The following FBF1 variants were observed in gnomAD, a reference collection of about 807,000 sequenced individuals.
FBF1 encodes fas-binding factor 1.
In FBF1, 119 loss-of-function variants were observed where a neutral mutation model predicts 147.2. That is an observed-to-expected ratio of 0.81 (90% CI 0.70 to 0.94). FBF1 has a LOEUF of 0.94. FBF1 is among the 40% of genes least tolerant of loss of function. The pLI is 0.00. For missense variants in FBF1, 1,449 were observed against 1,500.8 expected (o/e 0.97, Z 0.57); for synonymous variants, 601 against 609.0 (o/e 0.99, Z 0.19).
chr17:75,930,187 G>A lies in FBF1; in HGVS notation c.229-140C>T, dbSNP rs1344412658. ...GAGCTTGGCCAATGGAGCTTACACAGGAGGGTGGCTTTGTTCCCCTTGCTT... is the reference window on the plus strand; with the variant it reads ...GAGCTTGGCCAATGGAGCTTACACAAGAGGGTGGCTTTGTTCCCCTTGCTT... On this transcript the variant is annotated intron_variant, in intron 6 of 29. Coordinates refer to ENST00000636174, the MANE Select transcript of FBF1 (RefSeq NM_001319193.2). 4.6e-6 allele frequency: 3 copies of A among 648,564 alleles called. No homozygotes were observed. The East Asian group carries it at 8.2e-5, about 18-fold the overall frequency. 40.2% of individuals were successfully genotyped at this position (648,564 alleles called of 1,614,324 possible).
chr17:75,926,031 CT>C lies in FBF1; in HGVS notation c.866del (p.Gln289ArgfsTer150), dbSNP rs748663241. 1 of 1,609,658 alleles carries C rather than the reference CT, an allele frequency of 6.2e-7. No individual in the cohort carries two copies. Among genetic ancestry groups the C allele is most frequent in the Admixed American group, 1.7e-5 (1 of 59,860 alleles). On this transcript the variant is annotated frameshift_variant and splice_region_variant, in exon 12 of 30. Transcript: ENST00000636174. LOFTEE classifies it high-confidence loss of function. ...FKLDKKYQRP[Q>X]DSEDMWGDED... The stretch of plus-strand genomic sequence containing the variant: ...TGCGGCCCCCGCAAGCCTCCTTACC[CT>C]GTGGCCTCTGGTACTTCTTGTCTAG...
intron 23 of FBF1, among the ~76,000 whole-genome samples, chr17:75,916,430 G>A (rs1270281985): frequency 6.6e-6 from 1 of 152,176 alleles, no homozygotes; most frequent in African/African-American, 2.4e-5. Context: ...GACCAGCCTG[G>A]GCAACATGGC....
chr17:75,921,279 T>C lies in FBF1; in HGVS notation c.1639A>G (p.Thr547Ala). Residue 547 changes from threonine (T) to alanine (A), a missense_variant, in exon 17 of 30, where the codon ACC (threonine) becomes GCC (alanine). Transcript: ENST00000636174. ...ATEPATCFPSTQKPTEPSVPV... is the reference protein window; with the variant it reads ...ATEPATCFPSAQKPTEPSVPV... ...ACGGAAGGCTCTGTGGGTTTCTGGG[T>C]GCTCGGGAAACACGTGGCAGGCTCT... The C allele has an allele frequency of 7.5e-6, 12 of 1,593,484 alleles. No individual in the cohort carries two copies. Among genetic ancestry groups the C allele is most frequent in the Non-Finnish European group, 9.4e-6 (11 of 1,170,080 alleles).
intron 23 of FBF1, among the ~76,000 whole-genome samples, chr17:75,917,452 G>A (rs998995957): frequency 2.6e-5 from 4 of 152,226 alleles, no homozygotes; most frequent in Admixed American, 6.5e-5. Context: ...TGATGGTTGC[G>A]GGGGCTAGAC....
intron 1 of FBF1, among the ~76,000 whole-genome samples, chr17:75,940,109 T>A (rs2065652631): frequency 7.0e-6 from 1 of 143,260 alleles, no homozygotes; most frequent in Non-Finnish European, 1.5e-5. Context: ...CCATGCCCGG[T>A]TAATTTTTGT....
Position 75,923,026 on chromosome 17 carries a change from A to C in FBF1, c.1424+160T>G, listed in dbSNP as rs2065537535. ...CCAGAGGCTCTCTCTGCAGTGCCTA[A>C]AAGGCAGAGTAGCAAAGCCAAGAAG... On this transcript the variant is annotated intron_variant, in intron 14 of 29. Coordinates refer to ENST00000636174, the MANE Select transcript of FBF1 (RefSeq NM_001319193.2). This position sits in a 1 kb window ranked among gnomAD's most constrained non-coding sequence, Gnocchi z 4.1. Among the ~76,000 whole-genome samples, 1 of 152,232 alleles carries C rather than the reference A, an allele frequency of 6.6e-6. No individual in the cohort carries two copies. The highest frequency in any genetic ancestry group is 2.4e-5 in the African/African-American group (1 of 41,464).
intron 4 of FBF1, among the ~76,000 whole-genome samples, chr17:75,935,166 ATTTT>A (rs556762409): frequency 2.1e-5 from 3 of 142,458 alleles, no homozygotes; most frequent in Admixed American, 7.0e-5. Flanking sequence ...ATTACATCTC[ATTTT>A]TTTTTTTTTT....
intron 29 of FBF1, among the ~76,000 whole-genome samples, chr17:75,911,190 G>C (rs370471950): frequency 6.6e-6 from 1 of 152,114 alleles, no homozygotes. Context: ...GCAGGCCAAG[G>C]GGGTAGGATC....
rs2065449979 is a variant in FBF1 at position 75,910,386 on chromosome 17, A to AG, written c.*336dup. 1 of 355,576 alleles carries AG rather than the reference A, an allele frequency of 2.8e-6. No individual in the cohort carries two copies. Among genetic ancestry groups the AG allele is most frequent in the Non-Finnish European group, 5.3e-6 (1 of 190,212 alleles). 22.0% of individuals were successfully genotyped at this position (355,576 alleles called of 1,614,324 possible). On this transcript the variant is annotated 3_prime_UTR_variant, in exon 30 of 30. Transcript: ENST00000636174. The surrounding 1 kb of genome is among the most constrained non-coding windows in gnomAD (Gnocchi z 4.1). ...GCCCACAACAGTCTACCTGTGGAGCAGGGGGAGCCCACAGAGCCCAGGGGG... is the reference window on the plus strand; with the variant it reads ...GCCCACAACAGTCTACCTGTGGAGCAGGGGGGAGCCCACAGAGCCCAGGGGG...
At position 75,930,060 on chromosome 17, in the gene FBF1, T is replaced by G. The variant is rs2144186741; in HGVS notation, c.229-13A>C. On this transcript the variant is annotated splice_polypyrimidine_tract_variant and intron_variant, in intron 6 of 29. Coordinates refer to ENST00000636174, the MANE Select transcript of FBF1 (RefSeq NM_001319193.2). ...AGATACCTGAAACCTAAGTCCACAA[T>G]GAGGGTGAGGACACAGATGAGGAGG... 6.7e-7 allele frequency: 1 copy of G among 1,490,126 alleles called. No individual in the cohort carries two copies. Among genetic ancestry groups the G allele is most frequent in the Non-Finnish European group, 9.0e-7 (1 of 1,110,806 alleles). The allele number at this position is 1,490,126 out of a possible 1,614,324, so 92.3% of individuals were successfully genotyped here. A position where few individuals can be genotyped will look rare whatever the true frequency, so the allele number is the denominator to read the frequency against.
intron 29 of FBF1, among the ~76,000 whole-genome samples, chr17:75,911,795 G>A (rs1453999405): frequency 6.6e-6 from 1 of 152,140 alleles, no homozygotes; most frequent in East Asian, 1.9e-4. Flanking sequence ...ACAGGTGTGA[G>A]CCACGCACCT....
intron 15 of FBF1, 78 bp from the exon 16 acceptor site, chr17:75,921,638 G>T (rs1473710880): frequency 1.0e-6 from 1 of 955,418 alleles, no homozygotes; most frequent in East Asian, 3.0e-5. Flanking sequence ...CAGCCTCTAG[G>T]TGGGACATGG....
In FBF1 at chr17:75,923,759, G is replaced by GGAGCCACTGCTCAC; in HGVS notation, c.969-119_969-118insGTGAGCAGTGGCTC. Reference sequence around the variant, plus strand: ...ACCCTGCACAGTCAGCTGAGGCCCAGTGAGCAGTGGCTCCTGGACCGGCTC... The same window carrying GGAGCCACTGCTCAC: ...ACCCTGCACAGTCAGCTGAGGCCCAGGAGCCACTGCTCACTGAGCAGTGGCTCCTGGACCGGCTC... On this transcript the variant is annotated intron_variant, in intron 13 of 29. Transcript: ENST00000636174. The surrounding 1 kb of genome is among the most constrained non-coding windows in gnomAD (Gnocchi z 4.1). The GGAGCCACTGCTCAC allele has an allele frequency of 9.8e-7, 1 of 1,023,632 alleles. No homozygotes were observed. The highest frequency in any genetic ancestry group is 1.4e-6 in the Non-Finnish European group (1 of 719,472). The allele number at this position is 1,023,632 out of a possible 1,614,324, so 63.4% of individuals were successfully genotyped here.
At position 75,923,227 on chromosome 17, in the gene FBF1, G is replaced by A; in HGVS notation, c.1383C>T (p.Gly461=). ...GGCCCGCTGTCCCCGCCAAATGCAGGCCCTCAGAGGTCCCAGCATGCTGCT... is the reference window on the plus strand; with the variant it reads ...GGCCCGCTGTCCCCGCCAAATGCAGACCCTCAGAGGTCCCAGCATGCTGCT... ...AREQHAGTSE[G]LHLAGTAGHP... is the part of the protein sequence containing the mutation. The change falls in exon 14 of 30, where the codon GGC becomes GGT. Residue 461 remains glycine (G), a synonymous_variant. Transcript: ENST00000636174. The surrounding 1 kb of genome is among the most constrained non-coding windows in gnomAD (Gnocchi z 4.1). 1 of 1,592,622 alleles carries A rather than the reference G, an allele frequency of 6.3e-7. No individual in the cohort carries two copies. The highest frequency in any genetic ancestry group is 8.5e-7 in the Non-Finnish European group (1 of 1,170,202).
Position 75,923,585 on chromosome 17 carries a change from C to T in FBF1, c.1025G>A (p.Ser342Asn), listed in dbSNP as rs2065542468. The change falls in exon 14 of 30, where the codon AGC (serine) becomes AAC (asparagine). Residue 342 changes from serine (S) to asparagine (N), a missense_variant. Coordinates refer to ENST00000636174, the MANE Select transcript of FBF1 (RefSeq NM_001319193.2). This position sits in a 1 kb window ranked among gnomAD's most constrained non-coding sequence, Gnocchi z 4.1. The stretch of plus-strand genomic sequence containing the variant: ...GATGGGGCTGGAAGCCATTGGAGGG[C>T]TCTGTTTGGAGCCTGGTTCTCCCTT... Reference protein sequence around the residue: ...DPKGEPGSKQSPPMASSPIQP... With the variant: ...DPKGEPGSKQNPPMASSPIQP... 1 of 1,610,606 alleles carries T rather than the reference C, an allele frequency of 6.2e-7. No individual in the cohort carries two copies. Among genetic ancestry groups the T allele is most frequent in the Non-Finnish European group, 8.5e-7 (1 of 1,178,784 alleles).
intron 4 of FBF1, among the ~76,000 whole-genome samples, chr17:75,934,709 A>G (rs1163877394): frequency 2.6e-5 from 4 of 151,832 alleles, no homozygotes; most frequent in Non-Finnish European, 4.4e-5. Context: ...AGAAACCCCC[A>G]TCTCTACTAA....
chr17:75,918,568 G>C lies in FBF1; in HGVS notation c.2139-299C>G, dbSNP rs2065503736. 1.3e-5 allele frequency among the ~76,000 whole-genome samples: 2 copies of C among 152,004 alleles called. No homozygotes were observed. Among genetic ancestry groups the C allele is most frequent in the Admixed American group, 1.3e-4 (2 of 15,274 alleles). Reference sequence around the variant, plus strand: ...GCTGGAGTTCAGTGGCATGATCTCGGCTCACTGCAACCTCTGCCTCCTGGG... The same window carrying C: ...GCTGGAGTTCAGTGGCATGATCTCGCCTCACTGCAACCTCTGCCTCCTGGG... On this transcript the variant is annotated intron_variant, in intron 20 of 29. Coordinates refer to ENST00000636174, the MANE Select transcript of FBF1 (RefSeq NM_001319193.2). This position sits in a 1 kb window ranked among gnomAD's most constrained non-coding sequence, Gnocchi z 5.8.
At chr17:75,913,481 C>T (rs2065467581) in intron 28 of FBF1, 2 of 436,004 alleles carry the variant, frequency 4.6e-6, no homozygotes, top group African/African-American at 4.1e-5. Context: ...TTTTTTTTTC[C>T]TGAGTCCAGA....
rs181159606 is a variant in FBF1 at position 75,936,238 on chromosome 17, C to T, written c.32-565G>A. Reference sequence around the variant, plus strand: ...CTGAGGCAGAAGAATCACTTGAACCCGGGTGGCAGAGTTTGTAGTGAGCCG... The same window carrying T: ...CTGAGGCAGAAGAATCACTTGAACCTGGGTGGCAGAGTTTGTAGTGAGCCG... On this transcript the variant is annotated intron_variant, in intron 3 of 29. Coordinates refer to ENST00000636174, the MANE Select transcript of FBF1 (RefSeq NM_001319193.2). 3.4e-3 allele frequency among the ~76,000 whole-genome samples: 505 copies of T among 149,642 alleles called. 1 individual carries two copies. Among genetic ancestry groups the T allele is most frequent in the Middle Eastern group, 0.017 (5 of 294 alleles).
Sources: gnomAD v4.1 joint callset for allele counts (sites outside exome capture counted in the v4.1 genomes callset) on GRCh38, gnomAD v4.1.1 for gene constraint, Gnocchi (gnomAD v3.1) non-coding constraint, MANE v1.5 for transcripts, NCBI Gene and HGNC (gene_info 2026-07-23, HGNC 2026-07-21) for gene names.